The following TSHZ2 variants were observed in gnomAD, a reference collection of about 807,000 sequenced individuals.
The protein encoded by TSHZ2 is teashirt homolog 2.
In TSHZ2, 21 loss-of-function variants were observed where a neutral mutation model predicts 74.4. The observed-to-expected ratio is 0.28, with a 90% confidence interval of 0.20 to 0.41. The LOEUF (loss-of-function observed/expected upper bound fraction) is 0.41. TSHZ2 is among the 10% of genes least tolerant of loss of function. The pLI is 1.00. For missense variants in TSHZ2, 1,244 were observed against 1,293.5 expected, an observed-to-expected ratio of 0.96 and a Z score of 0.59; for synonymous variants, 540 against 515.3, an observed-to-expected ratio of 1.05 and a Z score of -0.65.
intron 1 of TSHZ2, among the ~76,000 whole-genome samples, chr20:53,048,051 C>T (rs1462728695): frequency 6.6e-6 from 1 of 152,138 alleles, no homozygotes; most frequent in Non-Finnish European, 1.5e-5. Flanking sequence ...GCCCCCAGCG[C>T]CTTTTGTGGT....
intron 1 of TSHZ2, among the ~76,000 whole-genome samples, chr20:52,996,307 T>TTGTATTTA (rs558335107): frequency 1.4e-5 from 2 of 145,340 alleles, no homozygotes; most frequent in South Asian, 2.3e-4. Context: ...CCTTTCAGGT[T>TTGTATTTA]TTTATTTATT....
At chr20:53,269,335 A>C (rs762761072) in intron 2 of TSHZ2, among the ~76,000 whole-genome samples, 17 of 148,486 alleles carry the variant, frequency 1.1e-4, no homozygotes, top group Non-Finnish European at 4.4e-5. Flanking sequence ...GTATAGATTT[A>C]TCTAAAACAG....
chr20:53,114,550 C>G (rs1334641776), intron 1 of TSHZ2, among the ~76,000 whole-genome samples: 1 of 152,176 alleles, frequency 6.6e-6, no homozygotes, highest in African/African-American at 2.4e-5. Context: ...GGTCAAATTA[C>G]ATGTGTTGGG....
intron 2 of TSHZ2, among the ~76,000 whole-genome samples, chr20:53,435,229 A>G (rs893595941): frequency 5.3e-5 from 8 of 152,214 alleles, no homozygotes; most frequent in African/African-American, 1.9e-4. Flanking sequence ...AATTGTGTGC[A>G]AGGTCCTGTG....
intron 1 of TSHZ2, among the ~76,000 whole-genome samples, chr20:53,204,376 C>T (rs1280833124): frequency 1.4e-5 from 2 of 143,762 alleles, no homozygotes; most frequent in African/African-American, 5.2e-5. Context: ...CATCATATAA[C>T]ATGATGATAT....
At chr20:53,345,320 C>A (rs1379132222) in intron 2 of TSHZ2, among the ~76,000 whole-genome samples, 2 of 152,050 alleles carry the variant, frequency 1.3e-5, no homozygotes, top group East Asian at 3.9e-4. Context: ...ACCACCCCCA[C>A]CATTGCCTGT....
intron 2 of TSHZ2, among the ~76,000 whole-genome samples, chr20:53,447,567 G>A (rs946456045): frequency 1.3e-5 from 2 of 152,146 alleles, no homozygotes; most frequent in Admixed American, 6.5e-5. Flanking sequence ...ACGTCCTTAC[G>A]CTGTTTCAGG....
At chr20:53,467,241 C>G (rs1454838940) in intron 2 of TSHZ2, among the ~76,000 whole-genome samples, 1 of 152,190 alleles carries the variant, frequency 6.6e-6, no homozygotes, top group African/African-American at 2.4e-5. Flanking sequence ...TTCTTAGCTT[C>G]CCTTCTGAAT....
intron 1 of TSHZ2, among the ~76,000 whole-genome samples, chr20:53,232,433 CA>C (rs1989847235): frequency 6.6e-6 from 1 of 152,142 alleles, no homozygotes; most frequent in Non-Finnish European, 1.5e-5. Flanking sequence ...GGGAGGGAGA[CA>C]GAATAATAAT....
At chr20:53,261,409 A>C (rs1990598498) in intron 2 of TSHZ2, among the ~76,000 whole-genome samples, 1 of 152,200 alleles carries the variant, frequency 6.6e-6, no homozygotes, top group Non-Finnish European at 1.5e-5. Context: ...CCCAAATTCC[A>C]GTGAAAATAC....
chr20:53,286,886 T>TACACACACACACACAC (rs71194467), intron 2 of TSHZ2, among the ~76,000 whole-genome samples: 2 of 139,424 alleles, frequency 1.4e-5, no homozygotes, highest in Admixed American at 7.2e-5. Context: ...GTCTCAAAAA[T>TACACACACACACACAC]ACACACACAC....
At position 53,045,573 on chromosome 20, in the gene TSHZ2, A is replaced by G. The variant is rs577224346; in HGVS notation, c.40+72240A>G. 3.8e-4 allele frequency among the ~76,000 whole-genome samples: 58 copies of G among 152,268 alleles called. 1 individual carries two copies. Among genetic ancestry groups the G allele is most frequent in the Middle Eastern group, 6.8e-3 (2 of 294 alleles). On this transcript the variant is annotated intron_variant, in intron 1 of 2. Coordinates refer to ENST00000371497, the MANE Select transcript of TSHZ2 (RefSeq NM_173485.6). ...AGGCTCTACCTATCCTGATTCATTC[A>G]CCTAAGGAATCAGCTTTGTCCCTGT...
intron 1 of TSHZ2, among the ~76,000 whole-genome samples, chr20:53,226,427 G>GGGGTGTGTGTGTGTGT (rs879256692): frequency 8.7e-5 from 13 of 149,564 alleles, no homozygotes; most frequent in African/African-American, 2.7e-4. Flanking sequence ...TGTGTGGGTC[G>GGGGTGTGTGTGTGTGT]GTGTGTGTAT....
intron 1 of TSHZ2, among the ~76,000 whole-genome samples, chr20:53,094,551 G>A (rs895279671): frequency 1.3e-5 from 2 of 152,146 alleles, no homozygotes; most frequent in Non-Finnish European, 2.9e-5. Context: ...TTTGGGAAGT[G>A]CGATTTTCAA....
At chr20:53,076,439 C>T (rs376546348) in intron 1 of TSHZ2, among the ~76,000 whole-genome samples, 2 of 152,184 alleles carry the variant, frequency 1.3e-5, no homozygotes, top group Admixed American at 6.5e-5. Context: ...AGTAGATGAG[C>T]AAGTCCTTGC....
intron 1 of TSHZ2, among the ~76,000 whole-genome samples, chr20:53,103,337 CA>C (rs1986271810): frequency 6.6e-6 from 1 of 152,152 alleles, no homozygotes; most frequent in Non-Finnish European, 1.5e-5. Flanking sequence ...GCAAAGTCCC[CA>C]GGGGTTTCTT....
chr20:53,010,821 TA>T (rs1465194029), intron 1 of TSHZ2, among the ~76,000 whole-genome samples: 3 of 152,194 alleles, frequency 2.0e-5, no homozygotes, highest in Non-Finnish European at 4.4e-5. Context: ...TTGCTATTAA[TA>T]TTTTTTTATT....
chr20:53,446,920 C>T (rs897290334), intron 2 of TSHZ2, among the ~76,000 whole-genome samples: 1 of 152,184 alleles, frequency 6.6e-6, no homozygotes, highest in Non-Finnish European at 1.5e-5. Flanking sequence ...ACTCTCTTGC[C>T]CCTAAGAGCC....
At chr20:53,126,384 G>A (rs1234714526) in intron 1 of TSHZ2, among the ~76,000 whole-genome samples, 4 of 152,296 alleles carry the variant, frequency 2.6e-5, no homozygotes, top group Admixed American at 6.5e-5. Context: ...CCAACGAGAG[G>A]TAATAGAAAC....
Sources: gnomAD v4.1 joint callset for allele counts (sites outside exome capture counted in the v4.1 genomes callset) on GRCh38, gnomAD v4.1.1 for gene constraint, MANE v1.5 for transcripts, NCBI Gene and HGNC (gene_info 2026-07-23, HGNC 2026-07-21) for gene names.